The following TBL1X variants were observed in gnomAD, a reference collection of about 807,000 sequenced individuals.
TBL1X encodes the protein transducin beta like 1 X-linked.
Under a neutral mutation model 50.7 loss-of-function variants are expected in TBL1X, and 10 were observed. That is an observed-to-expected ratio of 0.20 (90% CI 0.12 to 0.33). TBL1X has a LOEUF of 0.33. TBL1X is among the 10% of genes least tolerant of loss of function. TBL1X has a pLI of 1.00. For synonymous variants in TBL1X, 190 were observed against 214.7 expected (o/e 0.88, Z 1.01); for missense variants, 340 against 504.4 (o/e 0.67, Z 3.12).
intron 2 of TBL1X, among the ~76,000 whole-genome samples, chrX:9,636,038 G>A (rs1386289930): frequency 1.8e-5 from 2 of 112,078 alleles, no homozygotes; most frequent in East Asian, 5.6e-4. Context: ...CATGCTCAGT[G>A]AAAGAAGCCA....
chrX:9,496,488 G>T (rs2081971721), intron 1 of TBL1X, among the ~76,000 whole-genome samples: 1 of 112,820 alleles, frequency 8.9e-6, no homozygotes, highest in Non-Finnish European at 1.9e-5. Flanking sequence ...GACTTCAGTT[G>T]TACATATCAA....
intron 2 of TBL1X, among the ~76,000 whole-genome samples, chrX:9,577,077 A>G (rs188262928): frequency 9.5e-4 from 106 of 111,766 alleles, no homozygotes; most frequent in African/African-American, 3.3e-3. Flanking sequence ...CCAGGCCTCA[A>G]TGATGAAATG....
intron 1 of TBL1X, among the ~76,000 whole-genome samples, chrX:9,478,844 T>C (rs2081863616): frequency 8.9e-6 from 1 of 112,678 alleles, no homozygotes; most frequent in Admixed American, 9.4e-5. Context: ...TCTTTGGAGA[T>C]ACCTCCTGCG....
At chrX:9,643,526 G>A (rs773232091) in intron 3 of TBL1X, among the ~76,000 whole-genome samples, 6 of 111,062 alleles carry the variant, frequency 5.4e-5, no homozygotes, top group South Asian at 3.8e-4. Context: ...TTTTAAAAAC[G>A]TCTTTGTCAT....
At chrX:9,647,566 G>A (rs921689957) in intron 3 of TBL1X, among the ~76,000 whole-genome samples, 2 of 111,895 alleles carry the variant, frequency 1.8e-5, no homozygotes, top group Non-Finnish European at 3.8e-5. Flanking sequence ...TGTGAGTGCT[G>A]CCAAAACTCT....
chrX:9,486,589 A>ACCCCCCCCCCCCCCCCCC (rs369631747), intron 1 of TBL1X, among the ~76,000 whole-genome samples: 20 of 99,138 alleles, frequency 2.0e-4, no homozygotes, highest in Non-Finnish European at 2.6e-4. Context: ...CAGAACACAC[A>ACCCCCCCCCCCCCCCCCC]CCCCCCCCCC....
chrX:9,706,030 G>T (rs1055613242), intron 13 of TBL1X, among the ~76,000 whole-genome samples: 2 of 110,538 alleles, frequency 1.8e-5, no homozygotes, highest in Non-Finnish European at 3.8e-5. Flanking sequence ...GGAGTGGGGG[G>T]GGTGTCACAT....
intron 5 of TBL1X, among the ~76,000 whole-genome samples, chrX:9,666,305 T>G (rs1317989768): frequency 9.0e-6 from 1 of 111,429 alleles, no homozygotes; most frequent in East Asian, 2.8e-4. Flanking sequence ...ACTTAAAAAT[T>G]GAAAGATAAA....
chrX:9,652,061 C>G (rs939732194), intron 3 of TBL1X, among the ~76,000 whole-genome samples: 2 of 112,201 alleles, frequency 1.8e-5, no homozygotes, highest in African/African-American at 6.5e-5. Flanking sequence ...GTCAGCCAGG[C>G]TGCGCTCTCC....
At chrX:9,596,674 A>T (rs2082528005) in intron 2 of TBL1X, among the ~76,000 whole-genome samples, 1 of 110,813 alleles carries the variant, frequency 9.0e-6, no homozygotes, top group Non-Finnish European at 1.9e-5. Context: ...GGGCATAATC[A>T]CCCCTAGTTG....
intron 1 of TBL1X, among the ~76,000 whole-genome samples, chrX:9,475,208 G>A (rs775281602): frequency 9.0e-6 from 1 of 111,526 alleles, no homozygotes; most frequent in African/African-American, 3.3e-5. Flanking sequence ...ATCTATCATG[G>A]TTATTAAGTG....
intron 2 of TBL1X, among the ~76,000 whole-genome samples, chrX:9,595,412 G>C (rs959085212): frequency 5.4e-5 from 6 of 112,040 alleles, no homozygotes; most frequent in African/African-American, 1.9e-4. Context: ...GGCTGACCCT[G>C]CCTTTAGAGG....
chrX:9,556,051 TG>T (rs2082296315), intron 2 of TBL1X, among the ~76,000 whole-genome samples: 1 of 109,016 alleles, frequency 9.2e-6, no homozygotes, highest in African/African-American at 3.3e-5. Context: ...TAGCTGGGCA[TG>T]GTGGCACACA....
chrX:9,515,405 T>G (rs181798003), intron 2 of TBL1X, among the ~76,000 whole-genome samples: 29 of 112,114 alleles, frequency 2.6e-4, no homozygotes, highest in African/African-American at 9.4e-4. Flanking sequence ...TGTGGCAGAA[T>G]GATTTTTCTT....
chrX:9,529,780 CAAAA>C (rs60004258), intron 2 of TBL1X, among the ~76,000 whole-genome samples: 10 of 80,630 alleles, frequency 1.2e-4, no homozygotes, highest in East Asian at 4.1e-4. Context: ...CTGTCTCTAC[CAAAA>C]AAAAAAAAAA....
At chrX:9,592,017 A>G (rs1036722915) in intron 2 of TBL1X, among the ~76,000 whole-genome samples, 3 of 112,511 alleles carry the variant, frequency 2.7e-5, no homozygotes, top group African/African-American at 6.5e-5. Context: ...TCAGTGTTCC[A>G]TGTGACAAAG....
chrX:9,495,232 C>T (rs753952018), intron 1 of TBL1X, among the ~76,000 whole-genome samples: 9 of 111,270 alleles, frequency 8.1e-5, no homozygotes, highest in Non-Finnish European at 1.1e-4. Flanking sequence ...TGTGATGGAG[C>T]GCAGCTATCC....
intron 12 of TBL1X, among the ~76,000 whole-genome samples, chrX:9,704,181 G>A (rs145255394): frequency 2.1e-3 from 234 of 112,177 alleles, no homozygotes; most frequent in Non-Finnish European, 3.6e-3. Context: ...TGAAGTGTGC[G>A]TTCCGTTTCA....
intron 6 of TBL1X, among the ~76,000 whole-genome samples, chrX:9,684,966 C>T (rs754270678): frequency 8.0e-5 from 9 of 112,641 alleles, no homozygotes; most frequent in Non-Finnish European, 1.7e-4. Flanking sequence ...CCAGAGGCTG[C>T]GTCAGGGCAG....
Sources: allele counts gnomAD v4.1 joint callset (sites outside exome capture counted in the v4.1 genomes callset), GRCh38; gene constraint gnomAD v4.1.1; transcripts MANE v1.5; gene names NCBI Gene and HGNC (gene_info 2026-07-23, HGNC 2026-07-21).